The following FSTL5 variants were observed in gnomAD, a reference collection of about 807,000 sequenced individuals.
The protein encoded by FSTL5 is follistatin-related protein 5.
In FSTL5, 62 loss-of-function variants were observed where a neutral mutation model predicts 89.1. The ratio of observed to expected loss-of-function variants is 0.70; its 90% CI spans 0.57 to 0.86. The LOEUF (loss-of-function observed/expected upper bound fraction) is 0.86, where lower values mean the gene tolerates loss of function less well. Ranked by LOEUF, FSTL5 falls within the 40% of genes least tolerant of loss-of-function variation. FSTL5 has a pLI of 0.00. For synonymous variants in FSTL5, 383 were observed against 346.2 expected, an observed-to-expected ratio of 1.11 and a Z score of -1.18; for missense variants, 1,057 against 1,001.6, an observed-to-expected ratio of 1.06 and a Z score of -0.75.
intron 4 of FSTL5, among the ~76,000 whole-genome samples, chr4:161,855,002 G>C (rs1731679462): frequency 6.6e-5 from 1 of 15,048 alleles, no homozygotes; most frequent in Admixed American, 8.3e-4. Context: ...ATGGTTGAGA[G>C]GTTTTTTTTT....
intron 6 of FSTL5, among the ~76,000 whole-genome samples, chr4:161,729,907 G>A (rs571497650): frequency 3.9e-5 from 6 of 152,154 alleles, no homozygotes; most frequent in Non-Finnish European, 8.8e-5. Context: ...AGTGTACTAC[G>A]TGCCAGGCAA....
intron 4 of FSTL5, among the ~76,000 whole-genome samples, chr4:161,899,052 G>C (rs1184474428): frequency 6.6e-6 from 1 of 152,094 alleles, no homozygotes; most frequent in Non-Finnish European, 1.5e-5. Context: ...ATATCCTCTT[G>C]AATAGAGTAA....
intron 2 of FSTL5, among the ~76,000 whole-genome samples, chr4:162,108,256 ATG>A (rs1273841248): frequency 6.6e-6 from 1 of 152,092 alleles, no homozygotes; most frequent in African/African-American, 2.4e-5. Context: ...AATTACATTT[ATG>A]TTTACATATA....
chr4:161,599,252 C>G (rs1326839126), intron 7 of FSTL5, among the ~76,000 whole-genome samples: 1 of 152,004 alleles, frequency 6.6e-6, no homozygotes, highest in Non-Finnish European at 1.5e-5. Context: ...AACGAAGAAA[C>G]CATGTAAACA....
chr4:161,802,661 T>G, intron 4 of FSTL5, among the ~76,000 whole-genome samples: 1 of 151,798 alleles, frequency 6.6e-6, no homozygotes, highest in East Asian at 1.9e-4. Context: ...TGTCTCGGTA[T>G]ATCTTCAATT....
Position 161,762,229 on chromosome 4 carries a change from G to A in FSTL5, c.607-2698C>T, listed in dbSNP as rs116361563. On this transcript the variant is annotated intron_variant, in intron 5 of 15. Coordinates refer to ENST00000306100, the MANE Select transcript of FSTL5 (RefSeq NM_020116.5). ...GTCGCCCAGGCTAGAGTGCAGTGGC[G>A]CATCTCGGCTCACTGCAACGTCTGC... 4.4e-3 allele frequency among the ~76,000 whole-genome samples: 671 copies of A among 152,106 alleles called. 4 individuals carry two copies. The highest frequency in any genetic ancestry group is 0.015 in the African/African-American group (635 of 41,482).
intron 4 of FSTL5, among the ~76,000 whole-genome samples, chr4:161,880,623 T>C (rs1232495479): frequency 1.3e-5 from 2 of 152,152 alleles, no homozygotes; most frequent in African/African-American, 2.4e-5. Flanking sequence ...TTACTCCTAA[T>C]TGACAAAATA....
intron 6 of FSTL5, among the ~76,000 whole-genome samples, chr4:161,753,431 T>C (rs983931975): frequency 6.6e-6 from 1 of 152,206 alleles, no homozygotes; most frequent in Non-Finnish European, 1.5e-5. Flanking sequence ...AAGTTAATTC[T>C]GTTCATAAGT....
At chr4:161,976,909 C>T (rs980671062) in intron 3 of FSTL5, among the ~76,000 whole-genome samples, 1 of 152,148 alleles carries the variant, frequency 6.6e-6, no homozygotes, top group Non-Finnish European at 1.5e-5. Flanking sequence ...ATGATTGAAA[C>T]TTTGTTGATA....
At chr4:161,736,410 G>T (rs1203882998) in intron 6 of FSTL5, among the ~76,000 whole-genome samples, 1 of 151,970 alleles carries the variant, frequency 6.6e-6, no homozygotes, top group Non-Finnish European at 1.5e-5. Flanking sequence ...ATTTAATGAA[G>T]TGAATCTACC....
At chr4:162,058,214 A>G (rs1578993463) in intron 2 of FSTL5, among the ~76,000 whole-genome samples, 1 of 152,004 alleles carries the variant, frequency 6.6e-6, no homozygotes, top group African/African-American at 2.4e-5. Context: ...CTGTTCTTTG[A>G]TATCAGTGAT....
intron 1 of FSTL5, among the ~76,000 whole-genome samples, chr4:162,145,892 A>G (rs1732954123): frequency 6.6e-6 from 1 of 152,152 alleles, no homozygotes; most frequent in African/African-American, 2.4e-5. Context: ...TGAATTTCCT[A>G]AACTTTTTTC....
intron 3 of FSTL5, among the ~76,000 whole-genome samples, chr4:161,994,568 G>A (rs1368465349): frequency 6.6e-6 from 1 of 152,026 alleles, no homozygotes; most frequent in Non-Finnish European, 1.5e-5. Flanking sequence ...TTTAATAATA[G>A]CCATTCTGAC....
chr4:161,704,635 A>T (rs1191178512), intron 6 of FSTL5, among the ~76,000 whole-genome samples: 1 of 152,090 alleles, frequency 6.6e-6, no homozygotes, highest in Non-Finnish European at 1.5e-5. Flanking sequence ...TCACTGGCAA[A>T]GTAGCACACA....
intron 3 of FSTL5, among the ~76,000 whole-genome samples, chr4:161,999,079 A>G (rs980822798): frequency 6.6e-6 from 1 of 152,108 alleles, no homozygotes; most frequent in Non-Finnish European, 1.5e-5. Context: ...TCTAAGGGAA[A>G]CTAGGCCAAG....
intron 15 of FSTL5, among the ~76,000 whole-genome samples, chr4:161,430,726 C>T (rs956675467): frequency 4.6e-5 from 7 of 151,910 alleles, no homozygotes; most frequent in Non-Finnish European, 7.4e-5. Context: ...GGCGACAGAG[C>T]GCGACTCCGT....
chr4:161,719,231 A>G (rs545212764), intron 6 of FSTL5, among the ~76,000 whole-genome samples: 2 of 152,262 alleles, frequency 1.3e-5, no homozygotes, highest in Admixed American at 1.3e-4. Context: ...TATTCTTGGC[A>G]GCCTTGTTGA....
chr4:161,913,909 G>A (rs1408846824), intron 4 of FSTL5, among the ~76,000 whole-genome samples: 1 of 152,080 alleles, frequency 6.6e-6, no homozygotes, highest in African/African-American at 2.4e-5. Context: ...TAGGTGGAAG[G>A]GATTTCCCTT....
intron 3 of FSTL5, among the ~76,000 whole-genome samples, chr4:161,948,305 A>C (rs1404108006): frequency 2.6e-5 from 4 of 151,416 alleles, no homozygotes; most frequent in Non-Finnish European, 5.9e-5. Context: ...AAAAAAAAAA[A>C]AAAAACTGAA....
Sources: allele counts gnomAD v4.1 joint callset (sites outside exome capture counted in the v4.1 genomes callset), GRCh38; gene constraint gnomAD v4.1.1; transcripts MANE v1.5; gene names NCBI Gene and HGNC (gene_info 2026-07-23, HGNC 2026-07-21).